The following PLA2G5 variants were observed in gnomAD, a reference collection of about 807,000 sequenced individuals.
PLA2G5 encodes Ca2+-dependent phospholipase A2.
A neutral mutation model predicts 15.9 loss-of-function variants in PLA2G5; 12 were observed. The ratio of observed to expected loss-of-function variants is 0.76; its 90% CI spans 0.48 to 1.23. The LOEUF is 1.23. Ranked by LOEUF, PLA2G5 falls within the 50% of genes most tolerant of loss-of-function variation. The pLI, the probability that PLA2G5 is intolerant of heterozygous loss-of-function variation, is 0.00. For missense variants in PLA2G5, 169 were observed against 177.1 expected (o/e 0.95, Z 0.26); for synonymous variants, 71 against 71.4 (o/e 0.99, Z 0.03).
In PLA2G5 at chr1:20,046,270, T is replaced by C. The variant is rs183120327; in HGVS notation, n.277-13362T>C. ...TTGTTGTTGTTGTTTCTTCCAGTCT[T>C]TTGCCAATCAGATTTGACCAACTCT... is the stretch of plus-strand genomic sequence containing the variant. On this transcript the variant is annotated intron_variant and non_coding_transcript_variant, in intron 1 of 6. Coordinates refer to the PLA2G5 transcript ENST00000460175. The C allele has an allele frequency of 2.2e-4, 34 of 152,306 alleles. No individual in the cohort carries two copies. In the East Asian group the frequency reaches 6.4e-3, roughly 29 times the overall value. The allele number at this position is 152,306 out of a possible 1,614,324, so 9.4% of individuals were successfully genotyped here. A position where few individuals can be genotyped will look rare whatever the true frequency, so the allele number is the denominator to read the frequency against.
chr1:20,061,864 AG>A (rs2100473542), intron 2 of PLA2G5, among the ~76,000 whole-genome samples: 1 of 152,344 alleles, frequency 6.6e-6, no homozygotes, highest in South Asian at 2.1e-4. Context: ...CTAAGGATAG[AG>A]GCTAACACAG....
intron 1 of PLA2G5, among the ~76,000 whole-genome samples, chr1:20,041,152 G>A (rs1426694531): frequency 6.6e-6 from 1 of 152,140 alleles, no homozygotes; most frequent in East Asian, 1.9e-4. Flanking sequence ...CAACCACAAA[G>A]GGATTCTGAG....
intron 1 of PLA2G5, among the ~76,000 whole-genome samples, chr1:20,042,662 T>G (rs2013673815): frequency 6.6e-6 from 1 of 152,112 alleles, no homozygotes; most frequent in Admixed American, 6.6e-5. Context: ...ATGTAATGGT[T>G]TAGTCAGGTT....
chr1:20,078,325 A>G (rs1050374893), intron 1 of PLA2G5, among the ~76,000 whole-genome samples: 1 of 151,200 alleles, frequency 6.6e-6, no homozygotes, highest in Non-Finnish European at 1.5e-5. Flanking sequence ...ACTTTTAGAG[A>G]AAAAAAGAAG....
chr1:20,053,905 C>T (rs1039387930), intron 1 of PLA2G5, among the ~76,000 whole-genome samples: 8 of 152,192 alleles, frequency 5.3e-5, no homozygotes, highest in African/African-American at 1.9e-4. Flanking sequence ...TACCATACTA[C>T]ACAAACTAAT....
chr1:20,034,040 A>G (rs536580651), intron 1 of PLA2G5, among the ~76,000 whole-genome samples: 11 of 152,274 alleles, frequency 7.2e-5, no homozygotes, highest in African/African-American at 2.6e-4. Context: ...AACAATCCCA[A>G]GGTAAGTGAC....
At chr1:20,029,509 T>A (rs1431816386) in intron 1 of PLA2G5, among the ~76,000 whole-genome samples, 1 of 152,072 alleles carries the variant, frequency 6.6e-6, no homozygotes, top group Non-Finnish European at 1.5e-5. Flanking sequence ...CGTCCCGGGT[T>A]TTTATAGGCA....
chr1:20,050,211 C>T (rs567852498), intron 1 of PLA2G5, among the ~76,000 whole-genome samples: 4 of 152,236 alleles, frequency 2.6e-5, no homozygotes, highest in African/African-American at 7.2e-5. Context: ...AGTTACAGGG[C>T]TTTGACTCCT....
intron 1 of PLA2G5, among the ~76,000 whole-genome samples, chr1:20,045,263 A>T (rs1183561792): frequency 6.6e-6 from 1 of 152,128 alleles, no homozygotes; most frequent in Non-Finnish European, 1.5e-5. Flanking sequence ...GCCAGAGAAA[A>T]GAGAGGGTAG....
intron 1 of PLA2G5, among the ~76,000 whole-genome samples, chr1:20,080,969 G>T (rs1271279344): frequency 6.6e-6 from 1 of 151,900 alleles, no homozygotes; most frequent in African/African-American, 2.4e-5. Flanking sequence ...GGGCTCAGCA[G>T]TGCCTTCCGT....
chr1:20,049,581 A>G (rs1289777682), intron 1 of PLA2G5, among the ~76,000 whole-genome samples: 1 of 152,146 alleles, frequency 6.6e-6, no homozygotes, highest in African/African-American at 2.4e-5. Context: ...TGTTCTCATG[A>G]TAGTGAATAA....
chr1:20,039,919 A>G (rs540881149), intron 1 of PLA2G5, among the ~76,000 whole-genome samples: 25 of 152,322 alleles, frequency 1.6e-4, no homozygotes, highest in African/African-American at 6.0e-4. Flanking sequence ...ATAAAATAAA[A>G]TTTATAAACT....
At chr1:20,037,380 C>T (rs562266252) in intron 1 of PLA2G5, among the ~76,000 whole-genome samples, 9 of 152,114 alleles carry the variant, frequency 5.9e-5, no homozygotes, top group African/African-American at 9.7e-5. Flanking sequence ...TACTGGGGAA[C>T]GCCTTCAAAG....
chr1:20,032,176 T>C (rs2012991285), intron 1 of PLA2G5, among the ~76,000 whole-genome samples: 1 of 152,170 alleles, frequency 6.6e-6, no homozygotes, highest in Non-Finnish European at 1.5e-5. Flanking sequence ...TAATTTTACC[T>C]GAAGATTGGT....
At chr1:20,083,909 A>G (rs1189726402) in intron 1 of PLA2G5, among the ~76,000 whole-genome samples, 1 of 151,784 alleles carries the variant, frequency 6.6e-6, no homozygotes, top group African/African-American at 2.4e-5. Flanking sequence ...CCCAGGGTTG[A>G]CTTATTCTTT....
chr1:20,056,750 C>CAT (rs1157271881), intron 1 of PLA2G5, among the ~76,000 whole-genome samples: 1 of 152,156 alleles, frequency 6.6e-6, no homozygotes, highest in Admixed American at 6.5e-5. Flanking sequence ...AGGGAGTATT[C>CAT]ATTCTGCTTC....
At chr1:20,077,975 C>T (rs186175261) in intron 1 of PLA2G5, among the ~76,000 whole-genome samples, 3 of 152,264 alleles carry the variant, frequency 2.0e-5, no homozygotes, top group African/African-American at 7.2e-5. Flanking sequence ...ATGAGCTCAT[C>T]CAGAGAGTGG....
chr1:20,079,757 T>C (rs960347992), intron 1 of PLA2G5, among the ~76,000 whole-genome samples: 7 of 152,150 alleles, frequency 4.6e-5, no homozygotes, highest in African/African-American at 1.4e-4. Flanking sequence ...CAGAGAAATA[T>C]AGTGACTTGC....
intron 1 of PLA2G5, among the ~76,000 whole-genome samples, chr1:20,047,442 T>G (rs527811812): frequency 1.3e-5 from 2 of 152,342 alleles, no homozygotes; most frequent in Non-Finnish European, 2.9e-5. Flanking sequence ...GTAGGTTTTA[T>G]GGCATCTCTA....
Sources: allele counts gnomAD v4.1 joint callset (sites outside exome capture counted in the v4.1 genomes callset), GRCh38; gene constraint gnomAD v4.1.1; transcripts MANE v1.5; gene names NCBI Gene and HGNC (gene_info 2026-07-23, HGNC 2026-07-21).